CBL: variants seen among roughly 807,000 people sequenced by gnomAD.
The protein encoded by CBL is Cbl proto-oncogene.
A neutral mutation model predicts 96.9 loss-of-function variants in CBL; 45 were observed. That is an observed-to-expected ratio of 0.46 (90% CI 0.37 to 0.60). The LOEUF (loss-of-function observed/expected upper bound fraction) is 0.60, where lower values mean the gene tolerates loss of function less well. Ranked by LOEUF, CBL falls within the 20% of genes least tolerant of loss-of-function variation. CBL has a pLI of 0.00. For missense variants in CBL, 1,024 were observed against 1,143.5 expected (o/e 0.90, Z 1.51); for synonymous variants, 420 against 426.8 (o/e 0.98, Z 0.20).
chr11:119,237,216 T>C (rs748344453), intron 2 of CBL, among the ~76,000 whole-genome samples: 1 of 152,258 alleles, frequency 6.6e-6, no homozygotes, highest in Non-Finnish European at 1.5e-5. Context: ...ACTATTTATC[T>C]TCTTTGGAGA....
intron 2 of CBL, among the ~76,000 whole-genome samples, chr11:119,243,731 CTT>C (rs912840980): frequency 6.8e-6 from 1 of 147,022 alleles, no homozygotes; most frequent in Non-Finnish European, 1.5e-5. Context: ...GATCAAAAAA[CTT>C]TTTTTTTTTC....
At chr11:119,269,617 A>G (rs1397741108) in intron 2 of CBL, among the ~76,000 whole-genome samples, 1 of 152,202 alleles carries the variant, frequency 6.6e-6, no homozygotes, top group South Asian at 2.1e-4. Context: ...GTGACCTTCC[A>G]GTATAGCATT....
In CBL at chr11:119,285,228, G is replaced by T. The variant is rs772140687; in HGVS notation, c.1603G>T (p.Val535Leu). ...GSLHKDKPLP[V>L]PPTLRDLPPP... ...CCTTCATAAAGACAAACCATTGCCA[G>T]TACCTCCCACACTTCGAGATCTTCC... Residue 535 changes from valine (V) to leucine (L), a missense_variant, in exon 11 of 16, where the codon GTA (valine) becomes TTA (leucine). Physicochemically the swap from Val to Leu is conservative, Grantham distance 32 (BLOSUM62 1). Around this residue, in one of 4 missense-constraint regions of CBL, gnomAD observed 695 missense variants for 661.6 expected, o/e 1.05. Transcript: ENST00000264033. 1 of 1,614,100 alleles carries T rather than the reference G, an allele frequency of 6.2e-7. No homozygotes were observed. Among genetic ancestry groups the T allele is most frequent in the Non-Finnish European group, 8.5e-7 (1 of 1,180,028 alleles).
intron 1 of CBL, among the ~76,000 whole-genome samples, chr11:119,214,610 C>G (rs1949343151): frequency 6.6e-6 from 1 of 152,202 alleles, no homozygotes. Flanking sequence ...AATCAAATAT[C>G]TGTTGTCTAC....
At chr11:119,284,561 A>G (rs911172748) in intron 9 of CBL, among the ~76,000 whole-genome samples, 3 of 152,216 alleles carry the variant, frequency 2.0e-5, no homozygotes, top group African/African-American at 7.2e-5. Context: ...GGTGTGGGCC[A>G]CTGTGCATGG....
chr11:119,232,653 A>C lies in CBL; in HGVS notation c.401A>C (p.Lys134Thr). The change falls in exon 2 of 16, where the codon AAG becomes ACG. Residue 134 changes from lysine (K) to threonine (T), a missense_variant. Physicochemically the swap from Lys to Thr is moderately conservative, Grantham distance 78. Around this residue, in one of 4 missense-constraint regions of CBL, gnomAD observed 192 missense variants for 321.8 expected, o/e 0.60. Coordinates refer to ENST00000264033, the MANE Select transcript of CBL (RefSeq NM_005188.4). ...ACTAAGCAAACCATAAGCCTCTTCA[A>C]GGAGGGAAAAGAAAGAATGTATGAG... Reference protein sequence around the residue: ...KKTKQTISLFKEGKERMYEEN... With the variant: ...KKTKQTISLFTEGKERMYEEN... 1 of 1,613,966 alleles carries C rather than the reference A, an allele frequency of 6.2e-7. No homozygotes were observed. Among genetic ancestry groups the C allele is most frequent in the Non-Finnish European group, 8.5e-7 (1 of 1,179,860 alleles).
chr11:119,265,749 G>A (rs753850409), intron 2 of CBL, among the ~76,000 whole-genome samples: 5 of 152,132 alleles, frequency 3.3e-5, no homozygotes, highest in African/African-American at 7.2e-5. Context: ...TAGGCCGGGC[G>A]CAGTGGCTCA....
rs372348023 is a variant in CBL at position 119,277,607 on chromosome 11, G to A, written c.1008-150G>A. On this transcript the variant is annotated intron_variant, in intron 6 of 15. Transcript: ENST00000264033. Reference sequence around the variant, plus strand: ...TATTTTTTTGAAGTATTATTTTTTGGAAGTATTTTTTTTTTGAAGTAAGAT... The same window carrying A: ...TATTTTTTTGAAGTATTATTTTTTGAAAGTATTTTTTTTTTGAAGTAAGAT... 34 of 653,120 alleles carry A rather than the reference G, an allele frequency of 5.2e-5. No individual in the cohort carries two copies. In the East Asian group the frequency reaches 9.0e-4, roughly 17 times the overall value. The allele number at this position is 653,120 out of a possible 1,614,324, so 40.5% of individuals were successfully genotyped here.
At chr11:119,277,210 C>A (rs1949895465) in intron 6 of CBL, among the ~76,000 whole-genome samples, 1 of 136,002 alleles carries the variant, frequency 7.4e-6, no homozygotes, top group South Asian at 2.2e-4. Flanking sequence ...TCACTCACTG[C>A]AACCTCAAAA....
intron 1 of CBL, among the ~76,000 whole-genome samples, chr11:119,215,992 G>A (rs1198223485): frequency 6.6e-6 from 1 of 152,232 alleles, no homozygotes; most frequent in Admixed American, 6.5e-5. Context: ...AGCAGCTTCC[G>A]CAAGGAGGGA....
At position 119,271,816 on chromosome 11, in the gene CBL, G is replaced by T. The variant is rs754381153; in HGVS notation, c.525G>T (p.Gln175His). The T allele has an allele frequency of 1.2e-6, 2 of 1,613,982 alleles. No homozygotes were observed. Among genetic ancestry groups the T allele is most frequent in the South Asian group, 2.2e-5 (2 of 91,076 alleles). Residue 175 changes from glutamine (Q) to histidine (H), a missense_variant, in exon 3 of 16, where the codon CAG becomes CAT. By Grantham distance (24) the Gln-to-His change is conservative. Around this residue, in one of 4 missense-constraint regions of CBL, gnomAD observed 192 missense variants for 321.8 expected, o/e 0.60. Coordinates refer to ENST00000264033, the MANE Select transcript of CBL (RefSeq NM_005188.4). ...LKGIFPSGLF[Q>H]GDTFRITKAD... ...GAATCTTTCCAAGTGGACTCTTTCAGGGAGACACATTTCGGATTACTAAAG... is the reference window on the plus strand; with the variant it reads ...GAATCTTTCCAAGTGGACTCTTTCATGGAGACACATTTCGGATTACTAAAG...
At chr11:119,208,690 C>T (rs1338005935) in intron 1 of CBL, among the ~76,000 whole-genome samples, 1 of 151,930 alleles carries the variant, frequency 6.6e-6, no homozygotes, top group East Asian at 1.9e-4. Flanking sequence ...TGGGCCTGGC[C>T]CTGTATTCTT....
At position 119,306,209 on chromosome 11, in the gene CBL, C is replaced by T; in HGVS notation, c.*6428C>T. On this transcript the variant is annotated 3_prime_UTR_variant, in exon 16 of 16. Transcript: ENST00000264033. ...GCCGGCTGTTGACAGACAGACTAAGCTGTGTGGTGCTCTTGCCGCCCCTTC... is the reference window on the plus strand; with the variant it reads ...GCCGGCTGTTGACAGACAGACTAAGTTGTGTGGTGCTCTTGCCGCCCCTTC... 2.5e-6 allele frequency: 1 copy of T among 398,486 alleles called. No homozygotes were observed. Among genetic ancestry groups the T allele is most frequent in the African/African-American group, 2.1e-5 (1 of 48,724 alleles). The allele number at this position is 398,486 out of a possible 1,614,324, so 24.7% of individuals were successfully genotyped here.
At chr11:119,283,619 T>A (rs1949954815) in intron 9 of CBL, among the ~76,000 whole-genome samples, 1 of 126,738 alleles carries the variant, frequency 7.9e-6, no homozygotes, top group Non-Finnish European at 1.6e-5. Flanking sequence ...TCCTTTTTAA[T>A]TCTTTCTTTT....
chr11:119,227,677 A>G (rs538297200), intron 1 of CBL, among the ~76,000 whole-genome samples: 1 of 151,838 alleles, frequency 6.6e-6, no homozygotes, highest in African/African-American at 2.4e-5. Context: ...CAGCCTCCCA[A>G]GTAGCTGGGA....
At chr11:119,266,551 G>A (rs774072224) in intron 2 of CBL, among the ~76,000 whole-genome samples, 10 of 152,114 alleles carry the variant, frequency 6.6e-5, no homozygotes, top group Non-Finnish European at 1.0e-4. Flanking sequence ...ATTGCTTTGG[G>A]CCTGAGGCAC....
At chr11:119,214,893 AT>A (rs774184469) in intron 1 of CBL, among the ~76,000 whole-genome samples, 1,241 of 117,956 alleles carry the variant, frequency 0.011, 15 homozygotes, top group African/African-American at 0.035. Flanking sequence ...CTGGTAGGGA[AT>A]TTTTTTTTTT....
At chr11:119,263,379 G>A (rs112219652) in intron 2 of CBL, among the ~76,000 whole-genome samples, 184 of 152,134 alleles carry the variant, frequency 1.2e-3, no homozygotes, top group Middle Eastern at 6.8e-3. Flanking sequence ...AAATATGAGG[G>A]GAGTGTTGGA....
At position 119,305,956 on chromosome 11, in the gene CBL, A is replaced by G. The variant is rs775450592; in HGVS notation, c.*6175A>G. 26 of 289,782 alleles carry G rather than the reference A, an allele frequency of 9.0e-5. No individual in the cohort carries two copies. The highest frequency in any genetic ancestry group is 1.5e-4 in the Non-Finnish European group (24 of 156,180). The allele number at this position is 289,782 out of a possible 1,614,324, so 18.0% of individuals were successfully genotyped here. On this transcript the variant is annotated 3_prime_UTR_variant, in exon 16 of 16. Coordinates refer to ENST00000264033, the MANE Select transcript of CBL (RefSeq NM_005188.4). ...ATCAAGGGAGGAAGGGTGGGTCATC[A>G]GACTTTGCCTTTGATGTTGTAGACT...
Sources: allele counts gnomAD v4.1 joint callset (sites outside exome capture counted in the v4.1 genomes callset), GRCh38; gene constraint gnomAD v4.1.1; regional missense constraint gnomAD v4.1.1; transcripts MANE v1.5; gene names NCBI Gene and HGNC (gene_info 2026-07-23, HGNC 2026-07-21).